The following IST1 variants were observed in gnomAD, a reference collection of about 807,000 sequenced individuals.
The protein encoded by IST1 is IST1 factor associated with ESCRT-III.
Under a neutral mutation model 37.0 loss-of-function variants are expected in IST1, and 23 were observed. That is an observed-to-expected ratio of 0.62 (90% CI 0.45 to 0.88). The LOEUF is 0.88. Among genes scored for constraint, IST1 ranks in the 40% least tolerant of loss-of-function variants. IST1 has a pLI of 0.00. For synonymous variants in IST1, 180 were observed against 161.7 expected (o/e 1.11, Z -0.86); for missense variants, 488 against 445.4 (o/e 1.10, Z -0.86).
chr16:71,895,918 C>T (rs2142510455), intron 1 of IST1, among the ~76,000 whole-genome samples: 1 of 152,328 alleles, frequency 6.6e-6, no homozygotes, highest in South Asian at 2.1e-4. Context: ...GCGGAAACGC[C>T]GCGGCCTCGG....
chr16:71,926,779 T>A (rs1385300966), intron 9 of IST1, among the ~76,000 whole-genome samples: 1 of 152,212 alleles, frequency 6.6e-6, no homozygotes, highest in Non-Finnish European at 1.5e-5. Context: ...ACTATTTTGA[T>A]TTTTTTGTAA....
chr16:71,926,840 G>A (rs1016512911), intron 9 of IST1, among the ~76,000 whole-genome samples: 2 of 151,950 alleles, frequency 1.3e-5, no homozygotes, highest in African/African-American at 4.8e-5. Context: ...AGATGTGTGT[G>A]GGGGCATGAT....
intron 7 of IST1, chr16:71,923,057 T>A (rs563628474): frequency 4.2e-6 from 2 of 473,344 alleles, no homozygotes; most frequent in Non-Finnish European, 7.4e-6. Context: ...GAGTTTTCCC[T>A]TGTAAACACT....
rs567687246 is a variant in IST1 at position 71,928,063 on chromosome 16, G to A, written c.*250G>A. On this transcript the variant is annotated 3_prime_UTR_variant, in exon 10 of 10. Coordinates refer to ENST00000378799, the MANE Select transcript of IST1 (RefSeq NM_001270975.2). The stretch of plus-strand genomic sequence containing the variant: ...AGCTGTGCTTGTCCGTTTCCTGTCA[G>A]AGTGATCCCAGGTTTCCTCCTGGCC... 2.2e-6 allele frequency: 1 copy of A among 464,544 alleles called. No individual in the cohort carries two copies. Among genetic ancestry groups the A allele is most frequent in the Non-Finnish European group, 4.0e-6 (1 of 252,904 alleles). 28.8% of individuals were successfully genotyped at this position (464,544 alleles called of 1,614,324 possible). A position where few individuals can be genotyped will look rare whatever the true frequency, so the allele number is the denominator to read the frequency against.
Position 71,927,638 on chromosome 16 carries a change from C to T in IST1, c.926C>T (p.Ser309Phe), listed in dbSNP as rs1441125807. Residue 309 changes from serine (S) to phenylalanine (F), a missense_variant, in exon 10 of 10, where the codon TCT (serine) becomes TTT (phenylalanine). Ser to Phe is a radical substitution (Grantham distance 155). Coordinates refer to ENST00000378799, the MANE Select transcript of IST1 (RefSeq NM_001270975.2). ...IVGPGPKPEA[S>F]AKLPSRPADN... ...GGTCCTGGACCCAAGCCAGAAGCCT[C>T]TGCAAAGCTTCCTTCCAGACCTGCA... 8.1e-6 allele frequency: 13 copies of T among 1,613,926 alleles called. No homozygotes were observed. The highest frequency in any genetic ancestry group is 1.1e-5 in the Non-Finnish European group (13 of 1,179,824).
At chr16:71,901,529 A>T (rs78039795) in intron 1 of IST1, among the ~76,000 whole-genome samples, 1,601 of 152,254 alleles carry the variant, frequency 0.011, 26 homozygotes, top group African/African-American at 0.036. Flanking sequence ...TTTGCTTTAA[A>T]TTCGTTTTTA....
intron 1 of IST1, among the ~76,000 whole-genome samples, chr16:71,902,550 G>A (rs2037131872): frequency 1.3e-5 from 2 of 152,172 alleles, no homozygotes; most frequent in Admixed American, 6.6e-5. Context: ...GATTATAGGC[G>A]TAAGCCACCG....
chr16:71,919,388 CTTTAA>C (rs1487940916), intron 4 of IST1, among the ~76,000 whole-genome samples: 3 of 152,100 alleles, frequency 2.0e-5, no homozygotes, highest in East Asian at 3.8e-4. Context: ...CCTAGTCATC[CTTTAA>C]TTTATTATTT....
chr16:71,912,444 A>G (rs917712682), intron 1 of IST1, among the ~76,000 whole-genome samples: 8 of 152,064 alleles, frequency 5.3e-5, no homozygotes, highest in African/African-American at 1.4e-4. Context: ...TCACCGTGTT[A>G]GCCAGGATGG....
rs1164500560 is a variant in IST1, at chr16:71,931,116, TTA to T, written c.*3305_*3306del. 2 of 152,378 alleles carry T rather than the reference TTA, an allele frequency of 1.3e-5. No homozygotes were observed. Among genetic ancestry groups the T allele is most frequent in the South Asian group, 2.1e-4 (1 of 4,832 alleles). The allele number at this position is 152,378 out of a possible 1,614,324, so 9.4% of individuals were successfully genotyped here. A position where few individuals can be genotyped will look rare whatever the true frequency, so the allele number is the denominator to read the frequency against. ...TATTTGTTTTTTAATGTTTTTTACT[TTA>T]TGTTTACTGTATTTTTATGTACAAT... On this transcript the variant is annotated 3_prime_UTR_variant, in exon 10 of 10. Transcript: ENST00000378799.
At chr16:71,921,241 C>T (rs1316789871) in intron 5 of IST1, 102 bp from the exon 6 acceptor site, 2 of 725,098 alleles carry the variant, frequency 2.8e-6, no homozygotes, top group Non-Finnish European at 4.8e-6. Flanking sequence ...TTTTTTCCCT[C>T]AATATTACCT....
chr16:71,922,099 C>T (rs2037604619), intron 6 of IST1, among the ~76,000 whole-genome samples: 1 of 151,992 alleles, frequency 6.6e-6, no homozygotes, highest in South Asian at 2.1e-4. Context: ...AAGATTGTGC[C>T]ACTGCACTCC....
intron 7 of IST1, 109 bp from the exon 8 acceptor site, chr16:71,923,179 A>G (rs564879833): frequency 1.3e-5 from 7 of 556,202 alleles, no homozygotes; most frequent in East Asian, 1.2e-4. Flanking sequence ...ATATTTATAT[A>G]TATTTAGTAT....
chr16:71,912,643 A>G (rs1240039721), intron 1 of IST1, among the ~76,000 whole-genome samples: 2 of 152,220 alleles, frequency 1.3e-5, no homozygotes, highest in Admixed American at 6.5e-5. Context: ...CAATTTACCA[A>G]CTTGCCTGTT....
intron 1 of IST1, among the ~76,000 whole-genome samples, chr16:71,901,130 T>G (rs2037098123): frequency 6.6e-6 from 1 of 152,250 alleles, no homozygotes; most frequent in African/African-American, 2.4e-5. Flanking sequence ...ATGTTCCTAA[T>G]CATACAGGAT....
chr16:71,915,463 TACA>T, intron 1 of IST1, 160 bp from the exon 2 acceptor site: 1 of 541,890 alleles, frequency 1.8e-6, no homozygotes, highest in South Asian at 2.3e-5. Context: ...CAGTTTTTTT[TACA>T]ACAGCCAAAA....
At position 71,897,270 on chromosome 16, in the gene IST1, A is replaced by G. The variant is rs754130569; in HGVS notation, c.-16+1681A>G. 1.2e-4 allele frequency among the ~76,000 whole-genome samples: 18 copies of G among 151,636 alleles called. 1 individual carries two copies. The highest frequency in any genetic ancestry group is 2.1e-4 in the South Asian group (1 of 4,792). On this transcript the variant is annotated intron_variant, in intron 1 of 9. Coordinates refer to ENST00000378799, the MANE Select transcript of IST1 (RefSeq NM_001270975.2). ...CTCGTGGGCTCAAGTGATCCTCCCA[A>G]AATGCTGGGATTAGAAGTATTTTGA...
intron 2 of IST1, 86 bp from the exon 3 acceptor site, chr16:71,916,376 A>T: frequency 7.7e-7 from 1 of 1,304,992 alleles, no homozygotes; most frequent in South Asian, 1.3e-5. Context: ...AGAAACACCC[A>T]GTTCTTCCTG....
At chr16:71,922,861 C>T (rs1335296603) in intron 7 of IST1, 181 bp downstream of exon 7, 1 of 618,450 alleles carries the variant, frequency 1.6e-6, no homozygotes, top group Admixed American at 2.9e-5. Context: ...TCTTCTAGTT[C>T]AGCTGTAGGA....
Sources: gnomAD v4.1 joint callset for allele counts (sites outside exome capture counted in the v4.1 genomes callset) on GRCh38, gnomAD v4.1.1 for gene constraint, MANE v1.5 for transcripts, NCBI Gene and HGNC (gene_info 2026-07-23, HGNC 2026-07-21) for gene names.